PHKA1: variants seen among roughly 807,000 people sequenced by gnomAD.
The protein encoded by PHKA1 is phosphorylase b kinase regulatory subunit alpha, skeletal muscle isoform.
PHKA1 carries 60 observed loss-of-function variants against 110.2 expected under a neutral mutation model. The ratio of observed to expected loss-of-function variants is 0.54; its 90% CI spans 0.44 to 0.68. The LOEUF is 0.68. Among genes scored for constraint, PHKA1 ranks in the 30% least tolerant of loss-of-function variants. The probability of loss-of-function intolerance (pLI) is 0.00; values close to 1 mark genes in which losing one functional copy is unlikely to be tolerated. For synonymous variants in PHKA1, 316 were observed against 333.6 expected (o/e 0.95, Z 0.58); for missense variants, 801 against 942.5 (o/e 0.85, Z 1.97).
At chrX:72,588,657 T>C (rs2052470621) in intron 29 of PHKA1, among the ~76,000 whole-genome samples, 1 of 109,005 alleles carries the variant, frequency 9.2e-6, no homozygotes, top group Non-Finnish European at 1.9e-5. Flanking sequence ...TTTGAAAAGA[T>C]CAAAAAAATT....
intron 29 of PHKA1, among the ~76,000 whole-genome samples, chrX:72,591,133 T>C (rs1338123004): frequency 8.9e-6 from 1 of 112,040 alleles, no homozygotes; most frequent in Non-Finnish European, 1.9e-5. Flanking sequence ...TGCGGCACTA[T>C]TCACAATAGC....
rs1223649463 is a variant in PHKA1, at chrX:72,655,621, CA to C, written c.1041+498del. ...GGCACTCAATGGTCAGGAGTGAAAC[CA>C]AAAATTTTTTTTTTTTTTGAGACGG... On this transcript the variant is annotated intron_variant, in intron 10 of 31. Transcript: ENST00000373542. 2.7e-5 allele frequency among the ~76,000 whole-genome samples: 3 copies of C among 111,035 alleles called. No homozygotes were observed. In the East Asian group the frequency reaches 8.6e-4, roughly 32 times the overall value.
chrX:72,587,768 G>C (rs1234500352), intron 29 of PHKA1, among the ~76,000 whole-genome samples: 5 of 111,183 alleles, frequency 4.5e-5, no homozygotes, highest in Non-Finnish European at 7.5e-5. Context: ...GCAAAAAAAA[G>C]CAGGGTTTTG....
intron 5 of PHKA1, among the ~76,000 whole-genome samples, chrX:72,677,670 C>A (rs1380711435): frequency 9.0e-6 from 1 of 111,649 alleles, no homozygotes; most frequent in African/African-American, 3.3e-5. Context: ...AACACTATCA[C>A]CATTTATTTT....
intron 6 of PHKA1, among the ~76,000 whole-genome samples, chrX:72,672,340 G>C (rs892998057): frequency 9.0e-6 from 1 of 111,606 alleles, no homozygotes; most frequent in Non-Finnish European, 1.9e-5. Flanking sequence ...TTCCTCCATT[G>C]TCTTGAGGAA....
intron 21 of PHKA1, 104 bp downstream of exon 21, chrX:72,618,606 T>C: frequency 4.4e-6 from 3 of 683,840 alleles, no homozygotes; most frequent in South Asian, 2.4e-5. Flanking sequence ...TTAAACTATA[T>C]TCAATTCCAG....
chrX:72,636,699 T>C (rs2053235171), intron 14 of PHKA1, among the ~76,000 whole-genome samples: 1 of 112,400 alleles, frequency 8.9e-6, no homozygotes, highest in African/African-American at 3.2e-5. Flanking sequence ...ACATTTTTCT[T>C]TTATATCATA....
rs1556228094 is a variant in PHKA1, at chrX:72,593,142, C to A, written c.3205G>T (p.Val1069Phe). 3.3e-6 allele frequency: 4 copies of A among 1,200,963 alleles called. No homozygotes were observed. In the African/African-American group the frequency reaches 7.0e-5, roughly 21 times the overall value. Residue 1069 changes from valine (V) to phenylalanine (F), a missense_variant, in exon 29 of 32, where the codon GTT becomes TTT. Physicochemically the swap from Val to Phe is conservative, Grantham distance 50 (BLOSUM62 -1). Coordinates refer to ENST00000373542, the MANE Select transcript of PHKA1 (RefSeq NM_002637.4). Reference protein sequence around the residue: ...RLDGALNRVPVGFYQKVWKVL... With the variant: ...RLDGALNRVPFGFYQKVWKVL... ...TTCCATACTTTCTGATAAAATCCAA[C>A]TGGAACTCTATTCAGTGCCCCATCC...
intron 16 of PHKA1, among the ~76,000 whole-genome samples, chrX:72,634,682 A>G (rs1375315491): frequency 9.0e-6 from 1 of 111,602 alleles, no homozygotes; most frequent in Non-Finnish European, 1.9e-5. Context: ...TATCTATAAA[A>G]TCTTGATGTA....
chrX:72,630,898 A>G (rs966461154), intron 16 of PHKA1, among the ~76,000 whole-genome samples: 2 of 109,362 alleles, frequency 1.8e-5, no homozygotes, highest in African/African-American at 6.6e-5. Context: ...TGAAACTTTT[A>G]TAACATGAAT....
At chrX:72,639,455 G>C (rs1366332418) in intron 14 of PHKA1, among the ~76,000 whole-genome samples, 2 of 111,580 alleles carry the variant, frequency 1.8e-5, no homozygotes, top group Non-Finnish European at 3.8e-5. Flanking sequence ...AGAATCAGCT[G>C]AACCTGGGAG....
intron 5 of PHKA1, among the ~76,000 whole-genome samples, chrX:72,676,827 G>A (rs1556312048): frequency 1.8e-5 from 2 of 112,209 alleles, no homozygotes; most frequent in African/African-American, 6.5e-5. Flanking sequence ...TACAAAAGTT[G>A]CAAAAACACT....
intron 4 of PHKA1, among the ~76,000 whole-genome samples, chrX:72,695,054 GAGA>G (rs2054089830): frequency 2.7e-5 from 3 of 111,354 alleles, no homozygotes; most frequent in African/African-American, 6.5e-5. Context: ...ATTAAAAAAG[GAGA>G]AGAAGAGTAT....
chrX:72,598,425 C>T (rs1156848594), intron 28 of PHKA1, among the ~76,000 whole-genome samples: 1 of 111,599 alleles, frequency 9.0e-6, no homozygotes, highest in Non-Finnish European at 1.9e-5. Context: ...AATGGTGCAG[C>T]CCTTTTGGAC....
At chrX:72,582,936 C>T (rs782510280) in intron 30 of PHKA1, among the ~76,000 whole-genome samples, 61 of 111,667 alleles carry the variant, frequency 5.5e-4, no homozygotes, top group African/African-American at 1.6e-3. Context: ...AACATGGGAA[C>T]GGCATATCAT....
chrX:72,700,948 C>G (rs1312223343), intron 3 of PHKA1, among the ~76,000 whole-genome samples: 1 of 112,260 alleles, frequency 8.9e-6, no homozygotes, highest in Non-Finnish European at 1.9e-5. Flanking sequence ...ATACTTAAAA[C>G]TTTTCTTTTG....
At chrX:72,663,907 C>A (rs2053589321) in intron 8 of PHKA1, among the ~76,000 whole-genome samples, 1 of 108,343 alleles carries the variant, frequency 9.2e-6, no homozygotes, top group Non-Finnish European at 1.9e-5. Context: ...GGAGCACATA[C>A]AGAAAGGGCA....
rs367798015 is a variant in PHKA1, at chrX:72,603,146, C to T, written c.2890G>A (p.Gly964Ser). ...MKNLLHHILS[G>S]KEFGVERSVR... ...CTTCGTTCCACTCCAAACTCCTTGC[C>T]GCTGAGAATGTGATGCAGGAGATTC... Residue 964 changes from glycine to serine, a missense_variant, in exon 26 of 32, where the codon GGC (glycine) becomes AGC (serine). Coordinates refer to ENST00000373542, the MANE Select transcript of PHKA1 (RefSeq NM_002637.4). 38 of 1,203,350 alleles carry T rather than the reference C, an allele frequency of 3.2e-5. No homozygotes were observed. The highest frequency in any genetic ancestry group is 1.2e-4 in the South Asian group (7 of 56,558).
intron 3 of PHKA1, among the ~76,000 whole-genome samples, chrX:72,699,474 A>C (rs2054175098): frequency 1.1e-5 from 1 of 91,091 alleles, no homozygotes; most frequent in African/African-American, 4.2e-5. Flanking sequence ...GCGCCACTGC[A>C]CTCTAGCCTG....
Sources: allele counts gnomAD v4.1 joint callset (sites outside exome capture counted in the v4.1 genomes callset), GRCh38; gene constraint gnomAD v4.1.1; transcripts MANE v1.5; gene names NCBI Gene and HGNC (gene_info 2026-07-23, HGNC 2026-07-21).